Variants in TIMM17A observed in about 807,000 individuals in gnomAD.
TIMM17A encodes the protein mitochondrial import inner membrane translocase subunit Tim17-A.
A neutral mutation model predicts 26.5 loss-of-function variants in TIMM17A; 15 were observed. That is an observed-to-expected ratio of 0.57 (90% CI 0.38 to 0.87). The LOEUF (loss-of-function observed/expected upper bound fraction) is 0.87, where lower values mean the gene tolerates loss of function less well. TIMM17A is among the 40% of genes least tolerant of loss of function. The pLI, the probability that TIMM17A is intolerant of heterozygous loss-of-function variation, is 0.00. For missense variants in TIMM17A, 201 were observed against 210.0 expected (o/e 0.96, Z 0.27); for synonymous variants, 80 against 70.8 (o/e 1.13, Z -0.66).
At position 201,957,304 on chromosome 1, in the gene TIMM17A, G is replaced by A; in HGVS notation, c.50G>A (p.Cys17Tyr). ...AGCCCATGGCGAATTGTGGATGACT[G>A]TGGTGGGGCCTTTACGATGGGTACC... is the stretch of plus-strand genomic sequence containing the variant. ...EPCPWRIVDDCGGAFTMGTIG... is the reference protein window; with the variant it reads ...EPCPWRIVDDYGGAFTMGTIG... Residue 17 changes from cysteine (C) to tyrosine (Y), a missense_variant, in exon 2 of 6, where the codon TGT becomes TAT. Cys to Tyr is a radical substitution (Grantham distance 194). Coordinates refer to ENST00000367287, the MANE Select transcript of TIMM17A (RefSeq NM_006335.3). 6.2e-7 allele frequency: 1 copy of A among 1,613,366 alleles called. No individual in the cohort carries two copies. Among genetic ancestry groups the A allele is most frequent in the Non-Finnish European group, 8.5e-7 (1 of 1,179,440 alleles).
At chr1:201,963,402 G>A (rs934480875) in intron 3 of TIMM17A, 21 of 471,266 alleles carry the variant, frequency 4.5e-5, no homozygotes, top group Middle Eastern at 6.1e-4. Context: ...GCTTTGGGCC[G>A]TTGCTAATTT....
chr1:201,960,952 A>G (rs1682512057), intron 3 of TIMM17A, among the ~76,000 whole-genome samples: 2 of 151,528 alleles, frequency 1.3e-5, no homozygotes, highest in Admixed American at 6.6e-5. Context: ...GTTTCACCAT[A>G]TTGGTCAGGC....
chr1:201,964,924 G>A (rs1051713806), intron 4 of TIMM17A, among the ~76,000 whole-genome samples: 4 of 143,644 alleles, frequency 2.8e-5, no homozygotes, highest in Admixed American at 7.1e-5. Flanking sequence ...TTGGGATTAC[G>A]GGCGTGAGCC....
chr1:201,959,126 T>A (rs1181429835), intron 3 of TIMM17A, among the ~76,000 whole-genome samples: 2 of 152,220 alleles, frequency 1.3e-5, no homozygotes, highest in African/African-American at 2.4e-5. Context: ...TCTATCACCT[T>A]ACGCATTTTC....
At chr1:201,956,332 C>G (rs1037534621) in intron 1 of TIMM17A, among the ~76,000 whole-genome samples, 1 of 152,116 alleles carries the variant, frequency 6.6e-6, no homozygotes, top group Non-Finnish European at 1.5e-5. Context: ...GGTAAAAAAT[C>G]AAATCTTGAT....
Position 201,959,496 on chromosome 1 carries a change from A to G in TIMM17A, c.190+1922A>G, listed in dbSNP as rs564005849. Among the ~76,000 whole-genome samples the G allele has an allele frequency of 1.5e-3, 230 of 151,244 alleles. 3 individuals carry two copies. The highest frequency in any genetic ancestry group is 5.3e-3 in the African/African-American group (219 of 41,136). On this transcript the variant is annotated intron_variant, in intron 3 of 5. Transcript: ENST00000367287. Reference sequence around the variant, plus strand: ...TGGTGAAACCCCATGTCTACTAAAAATACAAAAATTAGCTGGGCATGGTGG... The same window carrying G: ...TGGTGAAACCCCATGTCTACTAAAAGTACAAAAATTAGCTGGGCATGGTGG...
Position 201,969,904 on chromosome 1 carries a change from G to T in TIMM17A, c.*350G>T. On this transcript the variant is annotated 3_prime_UTR_variant, in exon 6 of 6. Coordinates refer to ENST00000367287, the MANE Select transcript of TIMM17A (RefSeq NM_006335.3). The stretch of plus-strand genomic sequence containing the variant: ...TTCTCTGCCTGGTTTTGTGTGTTCT[G>T]TTATTCAAACAATAAAAAGCTGGTG... 5.9e-6 allele frequency: 1 copy of T among 170,114 alleles called. No homozygotes were observed. Among genetic ancestry groups the T allele is most frequent in the Non-Finnish European group, 1.3e-5 (1 of 79,636 alleles). The allele number at this position is 170,114 out of a possible 1,614,324, so 10.5% of individuals were successfully genotyped here. A position where few individuals can be genotyped will look rare whatever the true frequency, so the allele number is the denominator to read the frequency against.
intron 3 of TIMM17A, among the ~76,000 whole-genome samples, chr1:201,959,542 T>G (rs1265236800): frequency 6.6e-6 from 1 of 151,636 alleles, no homozygotes; most frequent in East Asian, 1.9e-4. Context: ...TAATCCCAGC[T>G]ACTCAGGAGG....
chr1:201,966,363 A>G (rs1032822124), intron 5 of TIMM17A, among the ~76,000 whole-genome samples: 7 of 152,128 alleles, frequency 4.6e-5, no homozygotes, highest in African/African-American at 1.2e-4. Context: ...CTCTGTCTCA[A>G]AATGAAACAA....
intron 3 of TIMM17A, among the ~76,000 whole-genome samples, chr1:201,960,197 G>A (rs1432363566): frequency 1.3e-5 from 2 of 151,918 alleles, no homozygotes; most frequent in African/African-American, 4.8e-5. Context: ...TCGAGAGTTC[G>A]AAACCATCCT....
At chr1:201,956,551 A>G (rs1028629545) in intron 1 of TIMM17A, among the ~76,000 whole-genome samples, 4 of 152,208 alleles carry the variant, frequency 2.6e-5, no homozygotes, top group Non-Finnish European at 5.9e-5. Flanking sequence ...GTTATCCTCC[A>G]TTCTGGATTG....
At chr1:201,967,517 TTTTATTTATTTATTTTA>T (rs56187343) in intron 5 of TIMM17A, among the ~76,000 whole-genome samples, 2 of 142,900 alleles carry the variant, frequency 1.4e-5, no homozygotes, top group South Asian at 2.2e-4. Flanking sequence ...GGAATCTCCT[TTTTATTTATTTATTTTA>T]TTTATTTATT....
At chr1:201,968,473 A>G (rs573518350) in intron 5 of TIMM17A, among the ~76,000 whole-genome samples, 14 of 150,114 alleles carry the variant, frequency 9.3e-5, no homozygotes, top group Non-Finnish European at 1.8e-4. Flanking sequence ...TCTCACTGCA[A>G]CCTCCACCTC....
chr1:201,963,359 A>G lies in TIMM17A; in HGVS notation c.191-257A>G, dbSNP rs1682569214. ...CCAAAGTGCTGGGATTACAGGTGTG[A>G]GCTATGGCACCCGGCTGGCTTATTT... On this transcript the variant is annotated intron_variant, in intron 3 of 5. Coordinates refer to ENST00000367287, the MANE Select transcript of TIMM17A (RefSeq NM_006335.3). 1.0e-4 allele frequency: 34 copies of G among 338,360 alleles called. 1 individual carries two copies. The highest frequency in any genetic ancestry group is 1.0e-3 in the South Asian group (33 of 32,946). The allele number at this position is 338,360 out of a possible 1,614,324, so 21.0% of individuals were successfully genotyped here.
intron 1 of TIMM17A, 132 bp from the exon 2 acceptor site, chr1:201,957,149 A>T (rs549173625): frequency 2.6e-5 from 16 of 614,510 alleles, no homozygotes; most frequent in Non-Finnish European, 4.3e-5. Flanking sequence ...GTCATTTTAT[A>T]GGCCAAATAT....
intron 5 of TIMM17A, among the ~76,000 whole-genome samples, chr1:201,967,015 G>GTGTGTGTGTGTGTGTGTGTGTA (rs59893489): frequency 1.7e-5 from 2 of 118,836 alleles, no homozygotes; most frequent in Non-Finnish European, 3.5e-5. Flanking sequence ...GTGTGTGTGT[G>GTGTGTGTGTGTGTGTGTGTGTA]TATATATATA....
chr1:201,968,400 GTT>G (rs546046760), intron 5 of TIMM17A, among the ~76,000 whole-genome samples: 2 of 141,138 alleles, frequency 1.4e-5, no homozygotes. Context: ...GTTTTTGTTT[GTT>G]TTTTTTTTTT....
At chr1:201,957,430 A>G (rs1682436912) in intron 2 of TIMM17A, 50 bp downstream of exon 2, 1 of 1,592,012 alleles carries the variant, frequency 6.3e-7, no homozygotes, top group Admixed American at 1.7e-5. Context: ...CTTGGGTTTG[A>G]TGATATTACT....
chr1:201,956,092 G>A (rs1251403237), intron 1 of TIMM17A, among the ~76,000 whole-genome samples: 1 of 152,170 alleles, frequency 6.6e-6, no homozygotes, highest in African/African-American at 2.4e-5. Context: ...ATTGCGTGGG[G>A]CCTTGTTTTC....
Sources: allele counts gnomAD v4.1 joint callset (sites outside exome capture counted in the v4.1 genomes callset), GRCh38; gene constraint gnomAD v4.1.1; transcripts MANE v1.5; gene names NCBI Gene and HGNC (gene_info 2026-07-23, HGNC 2026-07-21).